Variants in ECM2 observed in about 807,000 individuals in gnomAD.
ECM2 encodes extracellular matrix protein 2, female organ and adipocyte specific.
In ECM2, 57 loss-of-function variants were observed where a neutral mutation model predicts 67.5. The ratio of observed to expected loss-of-function variants is 0.84; its 90% CI spans 0.68 to 1.05. ECM2 has a LOEUF of 1.05. ECM2 is among the 50% of genes least tolerant of loss of function. The probability of loss-of-function intolerance (pLI) is 0.00; values close to 1 mark genes in which losing one functional copy is unlikely to be tolerated. For synonymous variants in ECM2, 258 were observed against 294.5 expected (o/e 0.88, Z 1.27); for missense variants, 741 against 822.8 (o/e 0.90, Z 1.22).
intron 2 of ECM2, among the ~76,000 whole-genome samples, chr9:92,519,883 A>G (rs1382183348): frequency 1.3e-5 from 2 of 151,510 alleles, no homozygotes; most frequent in East Asian, 1.9e-4. Context: ...GGTGTACACA[A>G]TGGGAGAGAA....
the ECM2 span, among the ~76,000 whole-genome samples, chr9:92,557,180 G>A: frequency 6.5e-4 from 99 of 152,312 alleles, no homozygotes; most frequent in Admixed American, 1.3e-3. Context: ...GGTTTCTGCT[G>A]AGAAATCTGC....
intron 1 of ECM2, among the ~76,000 whole-genome samples, chr9:92,525,008 G>T (rs1418216383): frequency 6.6e-6 from 1 of 152,154 alleles, no homozygotes; most frequent in Admixed American, 6.5e-5. Flanking sequence ...CATCTTGTTG[G>T]AACCTCAGAA....
intron 1 of ECM2, among the ~76,000 whole-genome samples, chr9:92,524,316 A>G (rs1439654669): frequency 6.6e-6 from 1 of 152,176 alleles, no homozygotes; most frequent in Non-Finnish European, 1.5e-5. Flanking sequence ...AGGGCCTTGC[A>G]CATGGTAAAG....
At chr9:92,514,490 G>T in intron 4 of ECM2, 141 bp downstream of exon 4, 3 of 1,135,636 alleles carry the variant, frequency 2.6e-6, no homozygotes, top group African/African-American at 1.6e-5. Context: ...GTCCAGGCTG[G>T]TCTCAAACCC....
intron 1 of ECM2, among the ~76,000 whole-genome samples, chr9:92,532,644 G>T (rs1848868899): frequency 6.6e-6 from 1 of 151,722 alleles, no homozygotes; most frequent in African/African-American, 2.4e-5. Flanking sequence ...TGACTTCCTT[G>T]TTCTTTTATT....
intron 9 of ECM2, among the ~76,000 whole-genome samples, chr9:92,496,790 A>G (rs1215674402): frequency 3.9e-5 from 6 of 152,186 alleles, no homozygotes; most frequent in African/African-American, 1.4e-4. Flanking sequence ...AAAGTTAAAC[A>G]ACATGACAAA....
At chr9:92,546,211 A>G in the ECM2 span, among the ~76,000 whole-genome samples, 1 of 152,202 alleles carries the variant, frequency 6.6e-6, no homozygotes, top group Non-Finnish European at 1.5e-5. Context: ...CGGACCAATC[A>G]GCTCTCTGTA....
Position 92,500,990 on chromosome 9 carries a change from C to T in ECM2, c.1668G>A (p.Lys556=). The T allele has an allele frequency of 1.9e-6, 3 of 1,614,124 alleles. No individual in the cohort carries two copies. The East Asian group carries it at 6.7e-5, about 36-fold the overall frequency. Residue 556 remains lysine, a synonymous_variant, in exon 9 of 10, where the codon AAG becomes AAA. Transcript: ENST00000344604. ...KLYHVPSYLP[K]SLLHLVLLGN... is the part of the protein sequence containing the mutation. ...CAAGGAGTACTAGGTGCAGCAAGGA[C>T]TTGGGTAGATAGGACGGGACGTGAT...
rs561380204 is a variant in ECM2, at chr9:92,529,469, A to G, written c.-28+6464T>C. Among the ~76,000 whole-genome samples the G allele has an allele frequency of 3.3e-5, 5 of 152,308 alleles. No individual in the cohort carries two copies. In the East Asian group the frequency reaches 9.6e-4, roughly 29 times the overall value. On this transcript the variant is annotated intron_variant, in intron 1 of 9. Coordinates refer to ENST00000344604, the MANE Select transcript of ECM2 (RefSeq NM_001393.4). ...CGTGCCCCTTGGTATTTACCCAAAT[A>G]AGATGAAAATCTATGTCCACACAAA...
At position 92,514,002 on chromosome 9, in the gene ECM2, C is replaced by T. The variant is rs202120333; in HGVS notation, c.1054+629G>A. ...TGCTTTATACCTAACTGCTATTCTG[C>T]AGTAAACAGCTATCTCTTCTGCAAA... On this transcript the variant is annotated intron_variant, in intron 4 of 9. Transcript: ENST00000344604. Among the ~76,000 whole-genome samples the T allele has an allele frequency of 7.2e-4, 110 of 152,214 alleles. 1 individual carries two copies. In the East Asian group the frequency reaches 0.013, roughly 17 times the overall value.
At chr9:92,523,748 C>T (rs950959268) in intron 1 of ECM2, among the ~76,000 whole-genome samples, 5 of 152,172 alleles carry the variant, frequency 3.3e-5, no homozygotes, top group East Asian at 3.9e-4. Context: ...GGAGCCTGTA[C>T]GTCTGTCCAC....
chr9:92,523,027 A>T lies in ECM2; in HGVS notation c.-27-134T>A, dbSNP rs1348895775. On this transcript the variant is annotated intron_variant, in intron 1 of 9. Transcript: ENST00000344604. ...ACTTATGATATATGGACTATATGCT[A>T]TAGTATTATTGCCAAATCATAATTT... The T allele has an allele frequency of 1.0e-5, 9 of 862,796 alleles. No homozygotes were observed. In the South Asian group the frequency reaches 1.8e-4, roughly 17 times the overall value. The allele number at this position is 862,796 out of a possible 1,614,324, so 53.4% of individuals were successfully genotyped here. A position where few individuals can be genotyped will look rare whatever the true frequency, so the allele number is the denominator to read the frequency against.
rs1588241850 is a variant in ECM2 at position 92,531,332 on chromosome 9, A to T, written c.-28+4601T>A. Among the ~76,000 whole-genome samples the T allele has an allele frequency of 5.9e-5, 9 of 152,182 alleles. No homozygotes were observed. The South Asian group carries it at 1.9e-3, about 32-fold the overall frequency. ...ACTTATCAAAGTCTTAATATAAATT[A>T]GTACCTTTACCTCTTCCTGGACAAT... On this transcript the variant is annotated intron_variant, in intron 1 of 9. Transcript: ENST00000344604.
At chr9:92,552,285 A>C in the ECM2 span, among the ~76,000 whole-genome samples, 4 of 151,532 alleles carry the variant, frequency 2.6e-5, no homozygotes, top group Admixed American at 2.6e-4. Context: ...TGCAACTGTG[A>C]ATTGTGCTGC....
intron 2 of ECM2, among the ~76,000 whole-genome samples, chr9:92,521,127 C>A (rs1032969462): frequency 3.5e-4 from 54 of 152,114 alleles, no homozygotes; most frequent in Non-Finnish European, 1.3e-4. Flanking sequence ...GTGATACAAT[C>A]AAAAAGTACT....
At chr9:92,518,906 A>G (rs1847894081) in intron 2 of ECM2, among the ~76,000 whole-genome samples, 1 of 152,150 alleles carries the variant, frequency 6.6e-6, no homozygotes, top group African/African-American at 2.4e-5. Flanking sequence ...AAATAAACAA[A>G]TAAAGTTCAT....
chr9:92,533,329 AT>A (rs1464394135), intron 1 of ECM2, among the ~76,000 whole-genome samples: 1,529 of 43,318 alleles, frequency 0.035, 65 homozygotes, highest in East Asian at 0.26. Context: ...AAAAAAAAAA[AT>A]ATATATATAT....
upstream of ECM2, among the ~76,000 whole-genome samples, chr9:92,539,789 A>G (rs772795381): frequency 1.3e-5 from 2 of 152,198 alleles, no homozygotes; most frequent in African/African-American, 4.8e-5. Context: ...TCCCAATGGA[A>G]TATTACATTT....
chr9:92,551,628 C>A, the ECM2 span, among the ~76,000 whole-genome samples: 37 of 151,962 alleles, frequency 2.4e-4, no homozygotes, highest in Admixed American at 2.4e-3. Context: ...ATCACCCAAG[C>A]AGTATACACT....
Sources: gnomAD v4.1 joint callset for allele counts (sites outside exome capture counted in the v4.1 genomes callset) on GRCh38, gnomAD v4.1.1 for gene constraint, MANE v1.5 for transcripts, NCBI Gene and HGNC (gene_info 2026-07-23, HGNC 2026-07-21) for gene names.